Variants in RIMS4 observed in about 807,000 individuals in gnomAD.
RIMS4 encodes the protein regulating synaptic membrane exocytosis protein 4.
A neutral mutation model predicts 29.0 loss-of-function variants in RIMS4; 9 were observed. The ratio of observed to expected loss-of-function variants is 0.31; its 90% confidence interval spans 0.19 to 0.54. The LOEUF is 0.54. Among genes scored for constraint, RIMS4 ranks in the 20% least tolerant of loss-of-function variants. RIMS4 has a pLI of 0.94. For synonymous variants in RIMS4, 130 were observed against 152.9 expected, an observed-to-expected ratio of 0.85 and a Z score of 1.10; for missense variants, 193 against 365.7, an observed-to-expected ratio of 0.53 and a Z score of 3.85.
At chr20:44,792,990 AG>A (rs2066239474) in intron 1 of RIMS4, among the ~76,000 whole-genome samples, 1 of 152,106 alleles carries the variant, frequency 6.6e-6, no homozygotes, top group African/African-American at 2.4e-5. Flanking sequence ...CACTGGAGAA[AG>A]GGGAACCTTG....
chr20:44,781,811 G>A (rs191855214), intron 1 of RIMS4, among the ~76,000 whole-genome samples: 40 of 152,306 alleles, frequency 2.6e-4, no homozygotes, highest in Non-Finnish European at 4.6e-4. Context: ...GCCTTGGAAG[G>A]AACTGGGTTG....
chr20:44,770,810 G>A (rs1376270089), intron 2 of RIMS4, among the ~76,000 whole-genome samples: 2 of 152,174 alleles, frequency 1.3e-5, no homozygotes, highest in Non-Finnish European at 2.9e-5. Context: ...AAAAAGTAAA[G>A]AGGAAATAAT....
intron 2 of RIMS4, among the ~76,000 whole-genome samples, chr20:44,765,045 T>C (rs987384558): frequency 1.3e-5 from 2 of 152,210 alleles, no homozygotes; most frequent in Non-Finnish European, 2.9e-5. Context: ...CATTTAATCC[T>C]CTTAACAACT....
At position 44,753,231 on chromosome 20, in the gene RIMS4, AG is replaced by A. The variant is rs2145439022; in HGVS notation, c.*2902del. ...GGGGCCATTAGGCTTCAAAGAAAGA[AG>A]GGAGGAGGAGGTATGGGCAGTGGCA... On this transcript the variant is annotated 3_prime_UTR_variant, in exon 6 of 6. Coordinates refer to ENST00000372851, the MANE Select transcript of RIMS4 (RefSeq NM_182970.4). 1 of 152,768 alleles carries A rather than the reference AG, an allele frequency of 6.5e-6. No individual in the cohort carries two copies. Among genetic ancestry groups the A allele is most frequent in the South Asian group, 2.1e-4 (1 of 4,824 alleles). The allele number at this position is 152,768 out of a possible 1,614,324, so 9.5% of individuals were successfully genotyped here.
At chr20:44,804,599 C>T (rs758575870) in intron 1 of RIMS4, among the ~76,000 whole-genome samples, 45 of 152,294 alleles carry the variant, frequency 3.0e-4, no homozygotes, top group South Asian at 1.0e-3. Context: ...ACAAGAGGGT[C>T]GGCTGAGGGT....
intron 2 of RIMS4, among the ~76,000 whole-genome samples, chr20:44,762,857 C>T (rs2066092224): frequency 6.6e-6 from 1 of 152,216 alleles, no homozygotes; most frequent in Non-Finnish European, 1.5e-5. Flanking sequence ...CTACAACTCA[C>T]TAGCCAACTG....
chr20:44,790,247 A>G (rs2145470451), intron 1 of RIMS4, among the ~76,000 whole-genome samples: 1 of 152,372 alleles, frequency 6.6e-6, no homozygotes, highest in South Asian at 2.1e-4. Flanking sequence ...TTCTTACCCA[A>G]GATCACTGGA....
chr20:44,777,569 C>A (rs1370675536), intron 1 of RIMS4, among the ~76,000 whole-genome samples: 1 of 152,086 alleles, frequency 6.6e-6, no homozygotes, highest in Non-Finnish European at 1.5e-5. Flanking sequence ...CAAGGTTATA[C>A]CAGATAAGAC....
intron 3 of RIMS4, 94 bp from the exon 4 acceptor site, chr20:44,757,865 TC>T: frequency 8.6e-7 from 1 of 1,160,168 alleles, no homozygotes. Context: ...GAAACCCCCT[TC>T]CCCTGCTCCC....
At chr20:44,776,768 C>T (rs1394378812) in intron 1 of RIMS4, among the ~76,000 whole-genome samples, 1 of 152,210 alleles carries the variant, frequency 6.6e-6, no homozygotes, top group African/African-American at 2.4e-5. Flanking sequence ...TACCATTGTG[C>T]TAGATGCCAT....
chr20:44,801,188 T>C (rs2066275969), intron 1 of RIMS4, among the ~76,000 whole-genome samples: 4 of 152,188 alleles, frequency 2.6e-5, no homozygotes, highest in Admixed American at 2.0e-4. Context: ...CGCTCATTTT[T>C]ACTATCCCAA....
At chr20:44,807,145 A>T (rs2066302512) in intron 1 of RIMS4, among the ~76,000 whole-genome samples, 1 of 152,312 alleles carries the variant, frequency 6.6e-6, no homozygotes, top group African/African-American at 2.4e-5. Flanking sequence ...CTTGTGAAAG[A>T]GGGCAAAAGG....
chr20:44,808,373 C>T (rs1382486801), intron 1 of RIMS4, among the ~76,000 whole-genome samples: 2 of 152,176 alleles, frequency 1.3e-5, no homozygotes, highest in Admixed American at 6.5e-5. Context: ...AGGTGTTTGA[C>T]CCATGACACA....
intron 1 of RIMS4, among the ~76,000 whole-genome samples, chr20:44,785,136 C>T (rs2145465834): frequency 6.6e-6 from 1 of 152,258 alleles, no homozygotes; most frequent in South Asian, 2.1e-4. Context: ...ATAAAAGCTA[C>T]TCTCTCTTAG....
intron 2 of RIMS4, among the ~76,000 whole-genome samples, chr20:44,759,667 A>G (rs1349094623): frequency 1.3e-5 from 2 of 152,262 alleles, no homozygotes; most frequent in Non-Finnish European, 2.9e-5. Context: ...ACAGAGTCAG[A>G]GGCTTAACCC....
Position 44,758,141 on chromosome 20 carries a change from T to C in RIMS4, c.280A>G (p.Ser94Gly), listed in dbSNP as rs1199399147. 2 of 1,613,638 alleles carry C rather than the reference T, an allele frequency of 1.2e-6. No homozygotes were observed. Among genetic ancestry groups the C allele is most frequent in the Non-Finnish European group, 1.7e-6 (2 of 1,179,816 alleles). ...GGCCCCATGCTTCCCAGGAAGTCAC[T>C]GAACTGGGCGTCCGACGCCAGGCAA... Reference protein sequence around the residue: ...GVCLASDAQFSDFLGSMGPAQ... With the variant: ...GVCLASDAQFGDFLGSMGPAQ... Residue 94 changes from serine (S) to glycine (G), a missense_variant, in exon 3 of 6, where the codon AGT becomes GGT. Transcript: ENST00000372851.
intron 2 of RIMS4, 61 bp from the exon 3 acceptor site, chr20:44,758,245 C>T: frequency 8.5e-7 from 1 of 1,182,606 alleles, no homozygotes; most frequent in Non-Finnish European, 1.2e-6. Context: ...CAACTCTGGA[C>T]TCAAGCAGTC....
chr20:44,762,112 T>C (rs948997938), intron 2 of RIMS4, among the ~76,000 whole-genome samples: 3 of 152,184 alleles, frequency 2.0e-5, no homozygotes, highest in African/African-American at 7.2e-5. Flanking sequence ...CACAAGGAGC[T>C]TGCAACCTAG....
intron 1 of RIMS4, among the ~76,000 whole-genome samples, chr20:44,806,211 G>A (rs2066298159): frequency 1.3e-5 from 2 of 152,236 alleles, no homozygotes; most frequent in South Asian, 4.1e-4. Context: ...CAGGCGGGAG[G>A]GGGAGAACTG....
Sources: allele counts gnomAD v4.1 joint callset (sites outside exome capture counted in the v4.1 genomes callset), GRCh38; gene constraint gnomAD v4.1.1; transcripts MANE v1.5; gene names NCBI Gene and HGNC (gene_info 2026-07-23, HGNC 2026-07-21).